TBC1D22A: variants seen among roughly 807,000 people sequenced by gnomAD.
The protein encoded by TBC1D22A is TBC1 domain family member 22A, also known as putative GTPase activator.
In TBC1D22A, 38 loss-of-function variants were observed where a neutral mutation model predicts 60.2. That is an observed-to-expected ratio of 0.63 (90% CI 0.49 to 0.83). TBC1D22A has a LOEUF of 0.83. TBC1D22A is among the 40% of genes least tolerant of loss of function. The pLI is 0.00. For synonymous variants in TBC1D22A, 302 were observed against 281.7 expected, an observed-to-expected ratio of 1.07 and a Z score of -0.72; for missense variants, 628 against 701.0, an observed-to-expected ratio of 0.90 and a Z score of 1.18.
chr22:46,990,553 G>A lies in TBC1D22A; in HGVS notation c.1126-7081G>A, dbSNP rs945528582. ...AAGTCCACAGTTTACACCAGTTGTAGGCCGTGGGTTTTGAAAGGTGTGCAG... is the reference window on the plus strand; with the variant it reads ...AAGTCCACAGTTTACACCAGTTGTAAGCCGTGGGTTTTGAAAGGTGTGCAG... On this transcript the variant is annotated intron_variant, in intron 9 of 12. Transcript: ENST00000337137. This position sits in a 1 kb window ranked among gnomAD's most constrained non-coding sequence, Gnocchi z 4.6. 2.0e-5 allele frequency among the ~76,000 whole-genome samples: 3 copies of A among 152,118 alleles called. No homozygotes were observed. The South Asian group carries it at 6.2e-4, about 32-fold the overall frequency.
At chr22:47,135,399 G>A (rs2066829497) in intron 12 of TBC1D22A, among the ~76,000 whole-genome samples, 1 of 152,236 alleles carries the variant, frequency 6.6e-6, no homozygotes, top group African/African-American at 2.4e-5. Flanking sequence ...CTGGCAGGGA[G>A]GATGGAGTGA....
chr22:46,797,771 T>C, intron 4 of TBC1D22A, 151 bp downstream of exon 4: 1 of 826,558 alleles, frequency 1.2e-6, no homozygotes. Context: ...TCATGTAATA[T>C]TTTCAAGTCA....
At chr22:47,060,238 C>CTTTTTTTTTTTT (rs3884803) in intron 11 of TBC1D22A, among the ~76,000 whole-genome samples, 27 of 111,652 alleles carry the variant, frequency 2.4e-4, no homozygotes, top group African/African-American at 9.4e-4. Flanking sequence ...GGGTTTCTGA[C>CTTTTTTTTTTTT]TTTTTTTTTT....
chr22:46,882,964 G>C (rs2067925527), intron 5 of TBC1D22A, among the ~76,000 whole-genome samples: 1 of 152,210 alleles, frequency 6.6e-6, no homozygotes, highest in Admixed American at 6.5e-5. Flanking sequence ...TGGCATTTAT[G>C]AAAAACTAAC....
At chr22:47,132,186 G>A (rs2066701586) in intron 12 of TBC1D22A, among the ~76,000 whole-genome samples, 1 of 152,128 alleles carries the variant, frequency 6.6e-6, no homozygotes, top group African/African-American at 2.4e-5. Flanking sequence ...CCCCCATTTG[G>A]TGCTGGAAGA....
chr22:46,944,917 G>A (rs1842611799), intron 8 of TBC1D22A, among the ~76,000 whole-genome samples: 1 of 152,196 alleles, frequency 6.6e-6, no homozygotes, highest in African/African-American at 2.4e-5. Context: ...AGTTGAACAT[G>A]TAGATGATTT....
chr22:47,053,629 CA>C lies in TBC1D22A; in HGVS notation c.1329+16432del, dbSNP rs1363970908. Among the ~76,000 whole-genome samples, 486 of 152,332 alleles carry C rather than the reference CA, an allele frequency of 3.2e-3. 2 individuals carry two copies. The highest frequency in any genetic ancestry group is 0.01 in the Middle Eastern group (3 of 294). On this transcript the variant is annotated intron_variant, in intron 11 of 12. Coordinates refer to ENST00000337137, the MANE Select transcript of TBC1D22A (RefSeq NM_014346.5). ...CGAGGAGGGAGGCCTCTGTGCACAG[CA>C]GGAGGTTGAGAGGTTGGTTTGAGGT...
intron 4 of TBC1D22A, among the ~76,000 whole-genome samples, chr22:46,847,550 G>A (rs771406764): frequency 1.3e-5 from 2 of 152,164 alleles, no homozygotes; most frequent in Admixed American, 1.3e-4. Context: ...CTCTTCACAC[G>A]CTCCTCCTGC....
At chr22:46,958,160 G>A (rs136089) in intron 8 of TBC1D22A, among the ~76,000 whole-genome samples, 63,946 of 151,930 alleles carry the variant, frequency 0.42, 15,400 homozygotes, top group African/African-American at 0.67. Flanking sequence ...AGGATTGACC[G>A]TTTCTTTTAT....
At chr22:46,877,178 G>A (rs2067607688) in intron 4 of TBC1D22A, among the ~76,000 whole-genome samples, 1 of 152,168 alleles carries the variant, frequency 6.6e-6, no homozygotes, top group African/African-American at 2.4e-5. Flanking sequence ...ACCTCTCTGA[G>A]GCTCTTTCAT....
chr22:46,872,393 A>AT (rs2067331776), intron 4 of TBC1D22A, among the ~76,000 whole-genome samples: 1 of 152,230 alleles, frequency 6.6e-6, no homozygotes, highest in African/African-American at 2.4e-5. Context: ...TTTATGATGA[A>AT]TATAGACAAA....
intron 4 of TBC1D22A, among the ~76,000 whole-genome samples, chr22:46,821,250 T>A (rs909322001): frequency 6.6e-6 from 1 of 152,182 alleles, no homozygotes; most frequent in Non-Finnish European, 1.5e-5. Flanking sequence ...AAGTTAGTAT[T>A]GTTATGTGTG....
intron 8 of TBC1D22A, among the ~76,000 whole-genome samples, chr22:46,931,082 A>G (rs2147890220): frequency 6.6e-6 from 1 of 152,282 alleles, no homozygotes. Flanking sequence ...GACCGCAGGC[A>G]GCTTTGGAAG....
intron 8 of TBC1D22A, chr22:46,915,954 A>C (rs1480307808): frequency 2.3e-6 from 1 of 443,462 alleles, no homozygotes; most frequent in Non-Finnish European, 4.5e-6. Context: ...ACGTTCTTTG[A>C]CTTGGAAAGA....
chr22:47,054,815 A>G (rs867037433), intron 11 of TBC1D22A, among the ~76,000 whole-genome samples: 1 of 152,178 alleles, frequency 6.6e-6, no homozygotes, highest in Non-Finnish European at 1.5e-5. Context: ...GGGCTCATCC[A>G]GTTCCCTCAA....
chr22:47,144,979 A>G (rs1323345060), intron 12 of TBC1D22A, among the ~76,000 whole-genome samples: 1 of 152,250 alleles, frequency 6.6e-6, no homozygotes, highest in East Asian at 1.9e-4. Flanking sequence ...GCTGGACCAG[A>G]GCCATGTAGA....
At chr22:46,854,028 G>A (rs971206680) in intron 4 of TBC1D22A, among the ~76,000 whole-genome samples, 1 of 152,090 alleles carries the variant, frequency 6.6e-6, no homozygotes, top group African/African-American at 2.4e-5. Flanking sequence ...AGTGTCCCCT[G>A]TGAGTGGACT....
chr22:47,005,396 G>A (rs544940216), intron 10 of TBC1D22A, among the ~76,000 whole-genome samples: 20 of 148,742 alleles, frequency 1.3e-4, no homozygotes, highest in Non-Finnish European at 2.1e-4. Flanking sequence ...CCCTATGCAC[G>A]CACCAATACA....
At chr22:47,068,279 C>T (rs1019426131) in intron 11 of TBC1D22A, among the ~76,000 whole-genome samples, 7 of 152,332 alleles carry the variant, frequency 4.6e-5, no homozygotes, top group South Asian at 2.1e-4. Context: ...CCCTCTCTGC[C>T]GGCATCATTG....
Sources: allele counts gnomAD v4.1 joint callset (sites outside exome capture counted in the v4.1 genomes callset), GRCh38; gene constraint gnomAD v4.1.1; non-coding constraint Gnocchi (gnomAD v3.1); transcripts MANE v1.5; gene names NCBI Gene and HGNC (gene_info 2026-07-23, HGNC 2026-07-21).